The following MECOM variants were observed in gnomAD, a reference collection of about 807,000 sequenced individuals.
MECOM encodes the protein MDS1 and EVI1 complex locus, also known as histone-lysine N-methyltransferase MECOM.
A neutral mutation model predicts 116.3 loss-of-function variants in MECOM; 13 were observed. The ratio of observed to expected loss-of-function variants is 0.11; its 90% CI spans 0.07 to 0.18. The LOEUF is 0.18. Ranked by LOEUF, MECOM falls within the 10% of genes least tolerant of loss-of-function variation. The pLI, the probability that MECOM is intolerant of heterozygous loss-of-function variation, is 1.00. For synonymous variants in MECOM, 528 were observed against 535.2 expected, an observed-to-expected ratio of 0.99 and a Z score of 0.19; for missense variants, 1,299 against 1,509.0, an observed-to-expected ratio of 0.86 and a Z score of 2.31.
At chr3:169,233,632 C>T (rs1753681540) in intron 2 of MECOM, among the ~76,000 whole-genome samples, 1 of 152,116 alleles carries the variant, frequency 6.6e-6, no homozygotes, top group South Asian at 2.1e-4. Context: ...CTCTAAAGCT[C>T]ACTCGACTGT....
intron 2 of MECOM, among the ~76,000 whole-genome samples, chr3:169,319,432 G>A (rs1720430358): frequency 6.6e-6 from 1 of 152,120 alleles, no homozygotes; most frequent in South Asian, 2.1e-4. Context: ...CAGGGGGTGG[G>A]GGGTAGGGGA....
At chr3:169,298,783 G>A (rs1577634882) in intron 2 of MECOM, among the ~76,000 whole-genome samples, 2 of 152,146 alleles carry the variant, frequency 1.3e-5, no homozygotes, top group Admixed American at 1.3e-4. Context: ...TCCCCTGTAC[G>A]CACGGGGAAG....
chr3:169,483,751 C>A, intron 1 of MECOM: 1 of 1,604,448 alleles, frequency 6.2e-7, no homozygotes, highest in Non-Finnish European at 8.5e-7. Context: ...CTGTTAGCAA[C>A]TACGCGCAAC....
intron 14 of MECOM, among the ~76,000 whole-genome samples, chr3:169,091,750 C>T (rs1360362400): frequency 6.6e-6 from 1 of 151,936 alleles, no homozygotes; most frequent in Non-Finnish European, 1.5e-5. Flanking sequence ...TTCTTTGATA[C>T]ACTTTTATAC....
chr3:169,461,870 C>T (rs1242396288), intron 1 of MECOM, among the ~76,000 whole-genome samples: 7 of 152,124 alleles, frequency 4.6e-5, no homozygotes, highest in East Asian at 1.9e-4. Context: ...GCAGTAGGAA[C>T]CCTGGTGAGA....
At chr3:169,348,833 C>T (rs988292860) in intron 2 of MECOM, among the ~76,000 whole-genome samples, 1 of 151,952 alleles carries the variant, frequency 6.6e-6, no homozygotes, top group Non-Finnish European at 1.5e-5. Context: ...CTTAGAATGA[C>T]TGCATCTTCA....
intron 7 of MECOM, 57 bp from the exon 8 acceptor site, chr3:169,116,796 A>T (rs1729298777): frequency 1.3e-6 from 2 of 1,514,178 alleles, no homozygotes; most frequent in African/African-American, 2.8e-5. Flanking sequence ...TTCTGAATTT[A>T]GCAAATATCA....
At chr3:169,163,361 G>C (rs1236430338) in intron 2 of MECOM, among the ~76,000 whole-genome samples, 1 of 152,140 alleles carries the variant, frequency 6.6e-6, no homozygotes, top group East Asian at 1.9e-4. Flanking sequence ...CAACAATGTG[G>C]CAAGTGTATT....
At chr3:169,411,287 T>C (rs533264538) in intron 1 of MECOM, among the ~76,000 whole-genome samples, 4 of 152,192 alleles carry the variant, frequency 2.6e-5, no homozygotes, top group Admixed American at 1.3e-4. Flanking sequence ...AAGAAGGTCA[T>C]AAAACCGAAA....
chr3:169,268,169 T>A (rs1203654408), intron 2 of MECOM, among the ~76,000 whole-genome samples: 2 of 152,204 alleles, frequency 1.3e-5, no homozygotes, highest in East Asian at 3.8e-4. Flanking sequence ...ATGGAAAATC[T>A]TTGATAGCTT....
At chr3:169,103,860 T>C (rs905115544) in intron 10 of MECOM, among the ~76,000 whole-genome samples, 1 of 152,292 alleles carries the variant, frequency 6.6e-6, no homozygotes, top group African/African-American at 2.4e-5. Flanking sequence ...TGACTATTCA[T>C]GTTCTAGTTA....
At chr3:169,356,341 C>A (rs1476877281) in intron 2 of MECOM, among the ~76,000 whole-genome samples, 1 of 151,900 alleles carries the variant, frequency 6.6e-6, no homozygotes, top group Non-Finnish European at 1.5e-5. Flanking sequence ...CAAGTGATCT[C>A]CTCAACAGCT....
intron 1 of MECOM, among the ~76,000 whole-genome samples, chr3:169,469,092 G>A (rs1748770029): frequency 6.6e-6 from 1 of 151,448 alleles, no homozygotes; most frequent in African/African-American, 2.5e-5. Flanking sequence ...TACAATTCTA[G>A]TCAAATTCCA....
At chr3:169,411,220 C>G (rs150501638) in intron 1 of MECOM, among the ~76,000 whole-genome samples, 77 of 150,418 alleles carry the variant, frequency 5.1e-4, no homozygotes, top group African/African-American at 1.7e-3. Flanking sequence ...CCAAATGACA[C>G]TATTGCCAGA....
intron 1 of MECOM, among the ~76,000 whole-genome samples, chr3:169,545,775 T>G (rs918459708): frequency 2.0e-5 from 3 of 152,176 alleles, no homozygotes; most frequent in Non-Finnish European, 4.4e-5. Flanking sequence ...GGCACATCCC[T>G]TCCTCTTCCC....
At chr3:169,472,555 A>AAGGAAAGGAAAGGAAAGGGAAGGG (rs1749583203) in intron 1 of MECOM, among the ~76,000 whole-genome samples, 1 of 84,122 alleles carries the variant, frequency 1.2e-5, no homozygotes, top group Non-Finnish European at 2.2e-5. Context: ...AAGGAAAAGA[A>AAGGAAAGGAAAGGAAAGGGAAGGG]AAGAGAGGAG....
intron 10 of MECOM, 107 bp downstream of exon 10, chr3:169,107,819 T>C (rs1725930254): frequency 1.2e-6 from 1 of 867,050 alleles, no homozygotes; most frequent in African/African-American, 1.7e-5. Context: ...TATCACGTAA[T>C]GGAAAGGGGT....
At chr3:169,524,674 T>A (rs1757765292) in intron 1 of MECOM, among the ~76,000 whole-genome samples, 1 of 152,204 alleles carries the variant, frequency 6.6e-6, no homozygotes, top group Admixed American at 6.5e-5. Flanking sequence ...ACAACAACCC[T>A]ACTGAATTTA....
At chr3:169,409,267 G>A (rs997681131) in intron 1 of MECOM, among the ~76,000 whole-genome samples, 1 of 152,142 alleles carries the variant, frequency 6.6e-6, no homozygotes, top group Non-Finnish European at 1.5e-5. Flanking sequence ...CTTATCTTAT[G>A]CTCTAACTTG....
Sources: allele counts gnomAD v4.1 joint callset (sites outside exome capture counted in the v4.1 genomes callset), GRCh38; gene constraint gnomAD v4.1.1; transcripts MANE v1.5; gene names NCBI Gene and HGNC (gene_info 2026-07-23, HGNC 2026-07-21).